The following DACH2 variants were observed in gnomAD, a reference collection of about 807,000 sequenced individuals.
DACH2 encodes the protein dachshund family transcription factor 2, also known as dachshund homolog 2.
In DACH2, 17 loss-of-function variants were observed where a neutral mutation model predicts 35.8. The ratio of observed to expected loss-of-function variants is 0.48; its 90% confidence interval spans 0.33 to 0.71. The LOEUF (loss-of-function observed/expected upper bound fraction) is 0.71. Among genes scored for constraint, DACH2 ranks in the 30% least tolerant of loss-of-function variants. The pLI is 0.02. For missense variants in DACH2, 469 were observed against 472.7 expected, an observed-to-expected ratio of 0.99 and a Z score of 0.07; for synonymous variants, 195 against 177.3, an observed-to-expected ratio of 1.10 and a Z score of -0.79.
At chrX:86,294,024 A>C (rs1295198659) in intron 1 of DACH2, among the ~76,000 whole-genome samples, 2 of 111,789 alleles carry the variant, frequency 1.8e-5, no homozygotes, top group Non-Finnish European at 3.8e-5. Context: ...AGTGTTTTCC[A>C]ACTTGGTTCC....
chrX:86,257,148 T>A (rs762636180), intron 1 of DACH2, among the ~76,000 whole-genome samples: 2 of 111,904 alleles, frequency 1.8e-5, no homozygotes, highest in Non-Finnish European at 3.8e-5. Context: ...TTATATAAAA[T>A]CCTTAAGCAC....
chrX:86,257,485 G>A (rs1437358672), intron 1 of DACH2, among the ~76,000 whole-genome samples: 1 of 110,868 alleles, frequency 9.0e-6, no homozygotes, highest in East Asian at 2.9e-4. Flanking sequence ...TTGGTTCACT[G>A]CAGCCTCCAG....
Position 86,184,715 on chromosome X carries a change from T to A in DACH2, c.488+35607T>A, listed in dbSNP as rs2031630125. Reference sequence around the variant, plus strand: ...ATTTTAAAAGATCTGTGTTAATTGGTTGAGATAGTCCCCAGATCTCTGATT... The same window carrying A: ...ATTTTAAAAGATCTGTGTTAATTGGATGAGATAGTCCCCAGATCTCTGATT... On this transcript the variant is annotated intron_variant, in intron 1 of 11. Transcript: ENST00000373125. Among the ~76,000 whole-genome samples the A allele has an allele frequency of 2.7e-5, 3 of 111,743 alleles. No individual in the cohort carries two copies. In the South Asian group the frequency reaches 1.1e-3, roughly 42 times the overall value.
At chrX:86,244,153 A>G (rs1193559561) in intron 1 of DACH2, among the ~76,000 whole-genome samples, 5 of 111,577 alleles carry the variant, frequency 4.5e-5, no homozygotes, top group East Asian at 5.6e-4. Context: ...TTATTTGTTA[A>G]TAGGTCCTAA....
At position 86,464,406 on chromosome X, in the gene DACH2, A is replaced by G. The variant is rs375072579; in HGVS notation, c.528-49873A>G. 2.8e-4 allele frequency among the ~76,000 whole-genome samples: 31 copies of G among 111,449 alleles called. No homozygotes were observed. The East Asian group carries it at 3.4e-3, about 12-fold the overall frequency. On this transcript the variant is annotated intron_variant, in intron 2 of 11. Coordinates refer to ENST00000373125, the MANE Select transcript of DACH2 (RefSeq NM_053281.3). ...AAGCTGGAAGCCATGATTCTCAGCA[A>G]ACTAACACAGGAACAGAAAACCAAA...
At chrX:86,427,655 A>G (rs2036916596) in intron 2 of DACH2, among the ~76,000 whole-genome samples, 1 of 111,670 alleles carries the variant, frequency 9.0e-6, no homozygotes, top group Admixed American at 9.6e-5. Flanking sequence ...TTAGAAAAAG[A>G]ATTCTTTTAA....
At chrX:86,181,600 G>C (rs781775187) in intron 1 of DACH2, among the ~76,000 whole-genome samples, 2 of 111,536 alleles carry the variant, frequency 1.8e-5, no homozygotes, top group African/African-American at 6.5e-5. Flanking sequence ...GGGCATTTGG[G>C]TTGGTTCCAA....
chrX:86,757,861 C>A (rs2041844216), intron 7 of DACH2, among the ~76,000 whole-genome samples: 1 of 111,975 alleles, frequency 8.9e-6, no homozygotes, highest in African/African-American at 3.2e-5. Context: ...AACCTCTTTT[C>A]TTTATAAATC....
chrX:86,573,596 T>C (rs1444555551), intron 3 of DACH2, among the ~76,000 whole-genome samples: 2 of 111,601 alleles, frequency 1.8e-5, no homozygotes, highest in Non-Finnish European at 3.8e-5. Context: ...ATAGACCCTA[T>C]AAATTGACCA....
chrX:86,321,646 C>T (rs186461537), intron 1 of DACH2, among the ~76,000 whole-genome samples: 28 of 111,675 alleles, frequency 2.5e-4, no homozygotes, highest in African/African-American at 7.5e-4. Context: ...TTCCTTATCT[C>T]GCCTTTTCCT....
chrX:86,370,863 T>G (rs1025443864), intron 1 of DACH2, among the ~76,000 whole-genome samples: 3 of 111,465 alleles, frequency 2.7e-5, no homozygotes, highest in Non-Finnish European at 5.7e-5. Flanking sequence ...TAAAGATATT[T>G]AATGGGCATC....
intron 1 of DACH2, among the ~76,000 whole-genome samples, chrX:86,372,142 C>T (rs1018447904): frequency 4.5e-5 from 5 of 111,002 alleles, no homozygotes; most frequent in South Asian, 3.7e-4. Context: ...TATCTGTGAG[C>T]GTAATCAGAA....
intron 1 of DACH2, among the ~76,000 whole-genome samples, chrX:86,179,354 G>A (rs936551280): frequency 2.7e-5 from 3 of 111,712 alleles, no homozygotes; most frequent in Non-Finnish European, 5.7e-5. Context: ...ATTAAATTAT[G>A]CAAATAACTT....
At chrX:86,668,716 A>G (rs1602763165) in intron 4 of DACH2, among the ~76,000 whole-genome samples, 1 of 111,747 alleles carries the variant, frequency 8.9e-6, no homozygotes, top group Non-Finnish European at 1.9e-5. Flanking sequence ...TGATTTTAAA[A>G]GGGAAGAAAA....
At chrX:86,438,987 C>T (rs1208002364) in intron 2 of DACH2, among the ~76,000 whole-genome samples, 1 of 112,135 alleles carries the variant, frequency 8.9e-6, no homozygotes, top group Non-Finnish European at 1.9e-5. Flanking sequence ...TCCATAGTGG[C>T]TGTACAAATT....
At chrX:86,736,088 A>G (rs1049244125) in intron 6 of DACH2, among the ~76,000 whole-genome samples, 4 of 111,618 alleles carry the variant, frequency 3.6e-5, no homozygotes, top group African/African-American at 6.5e-5. Flanking sequence ...GTTTACTTGC[A>G]AAGAAGAAAT....
intron 1 of DACH2, among the ~76,000 whole-genome samples, chrX:86,297,481 G>A (rs1489913618): frequency 6.2e-5 from 7 of 112,099 alleles, no homozygotes; most frequent in African/African-American, 1.9e-4. Context: ...ATGATTTTAT[G>A]TGGAACATTT....
chrX:86,239,721 A>G (rs755328358), intron 1 of DACH2, among the ~76,000 whole-genome samples: 19 of 111,992 alleles, frequency 1.7e-4, no homozygotes, highest in Non-Finnish European at 3.4e-4. Flanking sequence ...TGACTATAGC[A>G]TTGCTGTATC....
intron 7 of DACH2, among the ~76,000 whole-genome samples, chrX:86,768,454 G>A (rs2041956534): frequency 9.0e-6 from 1 of 110,696 alleles, no homozygotes; most frequent in Non-Finnish European, 1.9e-5. Flanking sequence ...CTAAGTTACA[G>A]ATCATATGCA....
Sources: gnomAD v4.1 joint callset for allele counts (sites outside exome capture counted in the v4.1 genomes callset) on GRCh38, gnomAD v4.1.1 for gene constraint, MANE v1.5 for transcripts, NCBI Gene and HGNC (gene_info 2026-07-23, HGNC 2026-07-21) for gene names.